The following SUCLG1 variants were observed in gnomAD, a reference collection of about 807,000 sequenced individuals.
SUCLG1 encodes the protein succinate--CoA ligase [ADP/GDP-forming] subunit alpha, mitochondrial.
In SUCLG1, 26 loss-of-function variants were observed where a neutral mutation model predicts 37.3. The ratio of observed to expected loss-of-function variants is 0.70; its 90% CI spans 0.51 to 0.97. The LOEUF (loss-of-function observed/expected upper bound fraction) is 0.97. SUCLG1 is among the 50% of genes least tolerant of loss of function. The pLI is 0.00. For synonymous variants in SUCLG1, 163 were observed against 155.6 expected, an observed-to-expected ratio of 1.05 and a Z score of -0.36; for missense variants, 433 against 432.9, an observed-to-expected ratio of 1.00 and a Z score of 0.00.
chr2:84,441,166 C>A, intron 4 of SUCLG1, 62 bp from the exon 5 acceptor site: 1 of 1,612,036 alleles, frequency 6.2e-7, no homozygotes, highest in Non-Finnish European at 8.5e-7. Flanking sequence ...GTCATACACA[C>A]AAATACACTC....
At chr2:84,431,981 C>G (rs1259139755) in intron 6 of SUCLG1, among the ~76,000 whole-genome samples, 3 of 152,136 alleles carry the variant, frequency 2.0e-5, no homozygotes, top group Non-Finnish European at 4.4e-5. Flanking sequence ...CCAGATAACT[C>G]CTTAGAAATG....
chr2:84,443,216 T>C (rs1032557048), intron 3 of SUCLG1, 68 bp downstream of exon 3: 1 of 1,356,384 alleles, frequency 7.4e-7, no homozygotes, highest in African/African-American at 1.4e-5. Context: ...AATTAAGATC[T>C]CTACCCAAAG....
intron 3 of SUCLG1, among the ~76,000 whole-genome samples, chr2:84,441,837 C>T (rs1672779004): frequency 6.6e-6 from 1 of 151,830 alleles, no homozygotes; most frequent in Admixed American, 6.6e-5. Context: ...GGGGGAGACA[C>T]AAAAAACATT....
At position 84,449,725 on chromosome 2, in the gene SUCLG1, G is replaced by T. The variant is rs146113705; in HGVS notation, c.125C>A (p.Ser42Tyr). 2.5e-5 allele frequency: 39 copies of T among 1,563,548 alleles called. No individual in the cohort carries two copies. The highest frequency in any genetic ancestry group is 3.0e-5 in the Non-Finnish European group (35 of 1,156,576). ...LLPQNGIRHC[S>Y]YTASRQHLYV... ...GAGATGTTGCCGAGAAGCTGTGTAGGAACAATGCCGAATTCCATTCTGCGG... is the reference window on the plus strand; with the variant it reads ...GAGATGTTGCCGAGAAGCTGTGTAGTAACAATGCCGAATTCCATTCTGCGG... Residue 42 changes from serine (S) to tyrosine (Y), a missense_variant, in exon 2 of 9, where the codon TCC (serine) becomes TAC (tyrosine). By Grantham distance (144) the Ser-to-Tyr change is moderately radical (BLOSUM62 -2). Transcript: ENST00000393868.
At chr2:84,455,840 CAA>C (rs5832612) in intron 1 of SUCLG1, among the ~76,000 whole-genome samples, 67 of 79,894 alleles carry the variant, frequency 8.4e-4, no homozygotes, top group African/African-American at 2.1e-3. Context: ...CGTCTCAAAA[CAA>C]AAAAAAAAAA....
chr2:84,430,696 G>A (rs1290646498), intron 7 of SUCLG1, among the ~76,000 whole-genome samples: 1 of 152,018 alleles, frequency 6.6e-6, no homozygotes, highest in Non-Finnish European at 1.5e-5. Context: ...GAGAGAAAGT[G>A]ATCTCCACTC....
At chr2:84,445,870 T>C (rs1005748030) in intron 2 of SUCLG1, among the ~76,000 whole-genome samples, 2 of 152,204 alleles carry the variant, frequency 1.3e-5, no homozygotes, top group African/African-American at 4.8e-5. Flanking sequence ...ACTCTGATTG[T>C]CTTAGATTTC....
intron 7 of SUCLG1, among the ~76,000 whole-genome samples, chr2:84,429,563 A>G (rs116050843): frequency 6.6e-6 from 1 of 152,130 alleles, no homozygotes; most frequent in Non-Finnish European, 1.5e-5. Flanking sequence ...GTCTAGAGTG[A>G]AAGTCAGATA....
chr2:84,441,605 T>C (rs1672774948), intron 3 of SUCLG1, 146 bp from the exon 4 acceptor site: 1 of 922,560 alleles, frequency 1.1e-6, no homozygotes, highest in Non-Finnish European at 1.7e-6. Context: ...TCAAATTTGC[T>C]ACACTGTCAG....
In SUCLG1 at chr2:84,442,486, G is replaced by A. The variant is rs148874906; in HGVS notation, c.318+798C>T. Among the ~76,000 whole-genome samples, 274 of 152,086 alleles carry A rather than the reference G, an allele frequency of 1.8e-3. 1 individual carries two copies. In the East Asian group the frequency reaches 0.024, roughly 13 times the overall value. On this transcript the variant is annotated intron_variant, in intron 3 of 8. Transcript: ENST00000393868. ...GTTTCTTTTAAATACTATTAGTTTT[G>A]TATATATTCATATAAGAGTCAAAAG...
At chr2:84,451,669 A>G (rs1189711676) in intron 1 of SUCLG1, among the ~76,000 whole-genome samples, 5 of 152,328 alleles carry the variant, frequency 3.3e-5, no homozygotes, top group Admixed American at 6.5e-5. Flanking sequence ...GAAGTGTGAT[A>G]AACAGCAGCT....
At chr2:84,454,652 C>T (rs1303491195) in intron 1 of SUCLG1, among the ~76,000 whole-genome samples, 1 of 152,138 alleles carries the variant, frequency 6.6e-6, no homozygotes, top group Non-Finnish European at 1.5e-5. Context: ...ACAGTACAAA[C>T]TGTAATAAAG....
chr2:84,423,832 T>C, intron 8 of SUCLG1, 60 bp from the exon 9 acceptor site: 1 of 1,523,016 alleles, frequency 6.6e-7, no homozygotes, highest in Non-Finnish European at 9.0e-7. Context: ...AAGATCCAAA[T>C]CACATTTAGG....
At chr2:84,444,659 C>T (rs528609822) in intron 2 of SUCLG1, among the ~76,000 whole-genome samples, 27 of 152,178 alleles carry the variant, frequency 1.8e-4, no homozygotes, top group Non-Finnish European at 2.6e-4. Flanking sequence ...AATTATTAGG[C>T]GGGAATTTTC....
chr2:84,455,434 C>T (rs989135398), intron 1 of SUCLG1, among the ~76,000 whole-genome samples: 1 of 151,612 alleles, frequency 6.6e-6, no homozygotes, highest in Non-Finnish European at 1.5e-5. Flanking sequence ...GCAGAGGATG[C>T]GGTGAGCTGA....
chr2:84,429,970 C>T (rs76975668), intron 7 of SUCLG1, among the ~76,000 whole-genome samples: 8,045 of 152,186 alleles, frequency 0.053, 450 homozygotes, highest in African/African-American at 0.14. Context: ...AGACAAACCT[C>T]TGATGTCTCA....
intron 2 of SUCLG1, 146 bp downstream of exon 2, chr2:84,449,503 C>T: frequency 1.7e-6 from 1 of 578,242 alleles, no homozygotes; most frequent in Non-Finnish European, 3.0e-6. Context: ...TAGCAACTAA[C>T]CTCCTCCTGA....
intron 7 of SUCLG1, among the ~76,000 whole-genome samples, chr2:84,430,953 T>C (rs932270060): frequency 3.9e-5 from 6 of 152,258 alleles, no homozygotes; most frequent in South Asian, 2.1e-4. Flanking sequence ...AACTCAACAC[T>C]ACTCCTTTAC....
chr2:84,448,253 A>G (rs983274235), intron 2 of SUCLG1, among the ~76,000 whole-genome samples: 5 of 151,824 alleles, frequency 3.3e-5, no homozygotes, highest in African/African-American at 1.2e-4. Context: ...AGTCTATAGG[A>G]TTTGGCCCAC....
Sources: allele counts gnomAD v4.1 joint callset (sites outside exome capture counted in the v4.1 genomes callset), GRCh38; gene constraint gnomAD v4.1.1; transcripts MANE v1.5; gene names NCBI Gene and HGNC (gene_info 2026-07-23, HGNC 2026-07-21).